ULK3: variants seen among roughly 807,000 people sequenced by gnomAD.
ULK3 encodes serine/threonine-protein kinase ULK3.
In ULK3, 54 loss-of-function variants were observed where a neutral mutation model predicts 69.4. The ratio of observed to expected loss-of-function variants is 0.78; its 90% CI spans 0.63 to 0.98. The LOEUF (loss-of-function observed/expected upper bound fraction) is 0.98. Among genes scored for constraint, ULK3 ranks in the 50% least tolerant of loss-of-function variants. The probability of loss-of-function intolerance (pLI) is 0.00; values close to 1 mark genes in which losing one functional copy is unlikely to be tolerated. For missense variants in ULK3, 558 were observed against 627.7 expected (o/e 0.89, Z 1.19); for synonymous variants, 240 against 254.5 (o/e 0.94, Z 0.54).
chr15:74,838,535 G>C (rs2064116736), intron 10 of ULK3, 31 bp from the exon 11 acceptor site: 1 of 1,566,186 alleles, frequency 6.4e-7, no homozygotes, highest in Non-Finnish European at 8.7e-7. Flanking sequence ...CAGGGTGAGG[G>C]AAGCAACCTG....
At chr15:74,841,967 A>G in intron 3 of ULK3, 108 bp downstream of exon 3, 2 of 1,544,878 alleles carry the variant, frequency 1.3e-6, no homozygotes, top group Non-Finnish European at 1.8e-6. Context: ...CAGGCTGTGC[A>G]GGAGGCAGCT....
Position 74,839,682 on chromosome 15 carries a change from C to A in ULK3, c.728G>T (p.Cys243Phe). The change falls in exon 7 of 16, where the codon TGC (cysteine) becomes TTC (phenylalanine). Residue 243 changes from cysteine to phenylalanine, a missense_variant. Transcript: ENST00000440863. ...CAGGAGCCGCTGCAGTAGGTCCCGG[C>A]AGTCTCGGGAGAGCAGGGGCCGCAA... ...LPLRPLLSRD[C>F]RDLLQRLLER... 1.3e-6 allele frequency: 2 copies of A among 1,553,284 alleles called. No individual in the cohort carries two copies. Among genetic ancestry groups the A allele is most frequent in the South Asian group, 1.2e-5 (1 of 83,940 alleles).
intron 4 of ULK3, 112 bp downstream of exon 4, chr15:74,841,293 T>C (rs1294034290): frequency 1.1e-5 from 9 of 826,044 alleles, no homozygotes; most frequent in Non-Finnish European, 1.7e-5. Flanking sequence ...GGCCTGTCAC[T>C]CTTTGAGGAC....
At chr15:74,838,597 G>A in intron 10 of ULK3, 46 bp downstream of exon 10, 1 of 1,588,316 alleles carries the variant, frequency 6.3e-7, no homozygotes, top group South Asian at 1.1e-5. Context: ...CAGGCTGTGG[G>A]GAGGTTTGCT....
chr15:74,837,460 G>A, intron 14 of ULK3, 25 bp from the exon 15 acceptor site: 1 of 1,602,622 alleles, frequency 6.2e-7, no homozygotes, highest in Non-Finnish European at 8.5e-7. Context: ...GGCAGCACAA[G>A]GGATGAGAGG....
At chr15:74,840,758 T>C in intron 4 of ULK3, 117 bp from the exon 5 acceptor site, 1 of 1,338,792 alleles carries the variant, frequency 7.5e-7, no homozygotes, top group South Asian at 1.5e-5. Context: ...CAACCCTATT[T>C]CCAAGCCTCT....
intron 8 of ULK3, 71 bp from the exon 9 acceptor site, chr15:74,839,121 C>T (rs1016391496): frequency 3.2e-5 from 50 of 1,553,494 alleles, no homozygotes; most frequent in Non-Finnish European, 4.3e-5. Flanking sequence ...CCTCTGGAAT[C>T]CCTCAAAACA....
At chr15:74,840,108 GC>G (rs894885775) in intron 6 of ULK3, 125 bp downstream of exon 6, 8 of 1,197,382 alleles carry the variant, frequency 6.7e-6, no homozygotes, top group Middle Eastern at 1.9e-4. Flanking sequence ...CCTAGAACCT[GC>G]CCCTCCACCA....
intron 6 of ULK3, among the ~76,000 whole-genome samples, chr15:74,839,987 G>A (rs1042590249): frequency 3.3e-5 from 5 of 152,144 alleles, no homozygotes; most frequent in African/African-American, 1.2e-4. Context: ...TAGGAAGGCT[G>A]GGCCTGGCTC....
At chr15:74,840,120 C>G in intron 6 of ULK3, 114 bp downstream of exon 6, 2 of 1,344,876 alleles carry the variant, frequency 1.5e-6, no homozygotes, top group South Asian at 2.6e-5. Context: ...CCCTCCACCA[C>G]AAAGGCAGCC....
At position 74,840,353 on chromosome 15, in the gene ULK3, TG is replaced by T. The variant is rs777081521; in HGVS notation, c.614-38del. On this transcript the variant is annotated intron_variant, in intron 5 of 15. Transcript: ENST00000440863. ...AGGCAGAGCGGAGGCTGGGAGGGAA[TG>T]GGTCAAGCCTGGCCTGACGCCCCTC... The T allele has an allele frequency of 5.7e-6, 9 of 1,590,848 alleles. No homozygotes were observed. The African/African-American group carries it at 8.1e-5, about 14-fold the overall frequency.
rs764184471 is a variant in ULK3, at chr15:74,842,669, T to C, written c.103-249A>G. ...CCCTCGGCTAGCTGATCCATTTCTT[T>C]GCATTCTGGAGTGCTCCCGGCAGAG... is the stretch of plus-strand genomic sequence containing the variant. On this transcript the variant is annotated intron_variant, in intron 1 of 15. Transcript: ENST00000440863. This position sits in a 1 kb window ranked among gnomAD's most constrained non-coding sequence, Gnocchi z 4.9. 3.9e-6 allele frequency: 6 copies of C among 1,535,716 alleles called. No homozygotes were observed. The African/African-American group carries it at 6.8e-5, about 18-fold the overall frequency.
chr15:74,841,977 T>C (rs1483251697), intron 3 of ULK3, 98 bp downstream of exon 3: 1 of 1,569,688 alleles, frequency 6.4e-7, no homozygotes, highest in African/African-American at 1.3e-5. Context: ...AGGAGGCAGC[T>C]GCAATGCGTG....
At chr15:74,840,914 C>T (rs1243620625) in intron 4 of ULK3, among the ~76,000 whole-genome samples, 7 of 152,064 alleles carry the variant, frequency 4.6e-5, no homozygotes, top group African/African-American at 7.2e-5. Flanking sequence ...CTCTCACTGT[C>T]CCCCCAGGCT....
Position 74,840,336 on chromosome 15 carries a change from CGGAGGCTG to C in ULK3, c.614-28_614-21del, listed in dbSNP as rs1567238237. ...GGGCTTCTGTGGAAGGGAGGCAGAG[CGGAGGCTG>C]GGAGGGAATGGGTCAAGCCTGGCCT... On this transcript the variant is annotated intron_variant, in intron 5 of 15. Transcript: ENST00000440863. The C allele has an allele frequency of 6.2e-7, 1 of 1,601,910 alleles. No homozygotes were observed.
Position 74,842,418 on chromosome 15 carries a change from C to A in ULK3, c.105G>T (p.Lys35Asn). Residue 35 changes from lysine (K) to asparagine (N), a missense_variant and splice_region_variant, in exon 2 of 16, where the codon AAG (lysine) becomes AAT (asparagine). By Grantham distance (94) the Lys-to-Asn change is moderately conservative. Coordinates refer to ENST00000440863, the MANE Select transcript of ULK3 (RefSeq NM_001099436.4). This position sits in a 1 kb window ranked among gnomAD's most constrained non-coding sequence, Gnocchi z 4.9. ...YATVYKAYAK[K>N]DTREVVAIKC... ...TTATGGCTACCACTTCACGAGTGTC[C>A]TTCTGCGAGACAGGAGATTTGGGGA... is the stretch of plus-strand genomic sequence containing the variant. 6.2e-7 allele frequency: 1 copy of A among 1,613,916 alleles called. No homozygotes were observed. The highest frequency in any genetic ancestry group is 8.5e-7 in the Non-Finnish European group (1 of 1,179,892).
chr15:74,842,538 C>T lies in ULK3; in HGVS notation c.103-118G>A, dbSNP rs760238770. 3 of 1,537,392 alleles carry T rather than the reference C, an allele frequency of 2.0e-6. No individual in the cohort carries two copies. The highest frequency in any genetic ancestry group is 1.7e-4 in the Middle Eastern group (1 of 5,876). On this transcript the variant is annotated intron_variant, in intron 1 of 15. Transcript: ENST00000440863. This position sits in a 1 kb window ranked among gnomAD's most constrained non-coding sequence, Gnocchi z 4.9. Reference sequence around the variant, plus strand: ...CCCCGCCCCTCCCCGGGTCTACCTACTGCACACCAGCACCGGGCTTCCCAG... The same window carrying T: ...CCCCGCCCCTCCCCGGGTCTACCTATTGCACACCAGCACCGGGCTTCCCAG...
At position 74,837,249 on chromosome 15, in the gene ULK3, G is replaced by A. The variant is rs781448640; in HGVS notation, c.1403-5C>T. 102 of 1,589,330 alleles carry A rather than the reference G, an allele frequency of 6.4e-5. No homozygotes were observed. Among genetic ancestry groups the A allele is most frequent in the Middle Eastern group, 5.0e-4 (3 of 5,950 alleles). On this transcript the variant is annotated splice_region_variant and splice_polypyrimidine_tract_variant and intron_variant, in intron 15 of 15. Coordinates refer to ENST00000440863, the MANE Select transcript of ULK3 (RefSeq NM_001099436.4). ...AGGGTCACTGAAGGGTGCAAGCTAC[G>A]GGGGTGAGGGGGACAATGGGGGAGG...
At chr15:74,839,535 C>A in intron 7 of ULK3, 23 bp downstream of exon 7, 1 of 1,547,422 alleles carries the variant, frequency 6.5e-7, no homozygotes, top group Non-Finnish European at 8.7e-7. Flanking sequence ...CTCAGCCCAC[C>A]CCAGCCCCAG....
Sources: allele counts gnomAD v4.1 joint callset (sites outside exome capture counted in the v4.1 genomes callset), GRCh38; gene constraint gnomAD v4.1.1; non-coding constraint Gnocchi (gnomAD v3.1); transcripts MANE v1.5; gene names NCBI Gene and HGNC (gene_info 2026-07-23, HGNC 2026-07-21).